Variants in SNX9 observed in about 807,000 individuals in gnomAD.
SNX9 encodes the protein sorting nexin 9.
Under a neutral mutation model 89.4 loss-of-function variants are expected in SNX9, and 44 were observed. That is an observed-to-expected ratio of 0.49 (90% CI 0.39 to 0.63). SNX9 has a LOEUF of 0.63. SNX9 is among the 30% of genes least tolerant of loss of function. The pLI, the probability that SNX9 is intolerant of heterozygous loss-of-function variation, is 0.00. For synonymous variants in SNX9, 236 were observed against 247.8 expected (o/e 0.95, Z 0.45); for missense variants, 578 against 736.1 (o/e 0.79, Z 2.49).
At chr6:157,865,326 C>G (rs1204415261) in intron 1 of SNX9, among the ~76,000 whole-genome samples, 1 of 136,682 alleles carries the variant, frequency 7.3e-6, no homozygotes, top group East Asian at 2.0e-4. Flanking sequence ...GCAACAAGAG[C>G]GAAACAGTCT....
At position 157,906,149 on chromosome 6, in the gene SNX9, T is replaced by G; in HGVS notation, c.642T>G (p.Pro214=). ...TTAGATTTCCTGGATTTGCGAAACC[T>G]GGCACGGAACAGTATTTGTTGGCCA... The part of the protein sequence containing the change: ...PLNKFPGFAK[P]GTEQYLLAKQ... Residue 214 remains proline, a synonymous_variant, in exon 7 of 18, where the codon CCT becomes CCG. Coordinates refer to ENST00000392185, the MANE Select transcript of SNX9 (RefSeq NM_016224.5). 2 of 1,610,096 alleles carry G rather than the reference T, an allele frequency of 1.2e-6. No homozygotes were observed. The highest frequency in any genetic ancestry group is 1.7e-6 in the Non-Finnish European group (2 of 1,178,918).
Position 157,826,761 on chromosome 6 carries a change from A to G in SNX9, c.12+3315A>G, listed in dbSNP as rs977345357. 2.8e-4 allele frequency among the ~76,000 whole-genome samples: 33 copies of G among 117,530 alleles called. 4 individuals are homozygous for G. The highest frequency in any genetic ancestry group is 1.3e-3 in the African/African-American group (30 of 22,576). The allele number at this position is 117,530 out of a possible 152,430, so 77.1% of individuals were successfully genotyped here. The stretch of plus-strand genomic sequence containing the variant: ...CCTATTTATATTATAGGTTTTATAT[A>G]TATATGATATATAAATATATTATAT... On this transcript the variant is annotated intron_variant, in intron 1 of 17. Coordinates refer to ENST00000392185, the MANE Select transcript of SNX9 (RefSeq NM_016224.5).
At chr6:157,864,036 C>T (rs1465958106) in intron 1 of SNX9, among the ~76,000 whole-genome samples, 1 of 152,066 alleles carries the variant, frequency 6.6e-6, no homozygotes, top group South Asian at 2.1e-4. Flanking sequence ...CTGTTTTGTG[C>T]TTACAACAGG....
chr6:157,916,021 GT>G (rs1179648436), intron 9 of SNX9, among the ~76,000 whole-genome samples: 2 of 150,288 alleles, frequency 1.3e-5, no homozygotes, highest in East Asian at 2.0e-4. Context: ...GGATTCTTTG[GT>G]TTTTTTGTCT....
At chr6:157,916,012 G>A (rs1169633132) in intron 9 of SNX9, among the ~76,000 whole-genome samples, 1 of 150,984 alleles carries the variant, frequency 6.6e-6, no homozygotes, top group Non-Finnish European at 1.5e-5. Context: ...TGTGGGTATG[G>A]ATTCTTTGGT....
intron 4 of SNX9, among the ~76,000 whole-genome samples, chr6:157,882,634 T>C (rs1301078444): frequency 6.6e-6 from 1 of 152,222 alleles, no homozygotes; most frequent in Non-Finnish European, 1.5e-5. Flanking sequence ...TTGGAAGAAG[T>C]AGATTCCAAC....
chr6:157,870,421 C>G (rs185445361), intron 2 of SNX9, among the ~76,000 whole-genome samples: 1 of 150,876 alleles, frequency 6.6e-6, no homozygotes, highest in Non-Finnish European at 1.5e-5. Context: ...CTCTCACACA[C>G]GCACACTCAC....
chr6:157,863,424 A>G (rs1422934455), intron 1 of SNX9, among the ~76,000 whole-genome samples: 1 of 152,236 alleles, frequency 6.6e-6, no homozygotes, highest in Non-Finnish European at 1.5e-5. Context: ...GATACGTGAG[A>G]TTGATGTCTA....
chr6:157,915,640 A>AAAAAAAAAAAAAAAATAT (rs1472422303), intron 9 of SNX9, among the ~76,000 whole-genome samples: 1 of 95,172 alleles, frequency 1.1e-5, no homozygotes, highest in East Asian at 2.3e-4. Context: ...AAAAAAAAAA[A>AAAAAAAAAAAAAAAATAT]ATATATATAT....
At chr6:157,848,208 A>G (rs1293265162) in intron 1 of SNX9, among the ~76,000 whole-genome samples, 1 of 152,214 alleles carries the variant, frequency 6.6e-6, no homozygotes, top group Non-Finnish European at 1.5e-5. Flanking sequence ...TCATGGTACT[A>G]ACTGCCTATT....
At chr6:157,921,470 T>TATGA (rs1783579349) in intron 9 of SNX9, 61 bp from the exon 10 acceptor site, 1 of 1,562,188 alleles carries the variant, frequency 6.4e-7, no homozygotes, top group Non-Finnish European at 8.7e-7. Flanking sequence ...TCAGTTACAG[T>TATGA]ATGGTAACAG....
At chr6:157,903,463 A>C (rs933015139) in intron 6 of SNX9, among the ~76,000 whole-genome samples, 7 of 152,234 alleles carry the variant, frequency 4.6e-5, no homozygotes, top group African/African-American at 1.4e-4. Flanking sequence ...AATAAAGTGA[A>C]TAATTCTCTG....
intron 4 of SNX9, among the ~76,000 whole-genome samples, chr6:157,886,765 T>C (rs1419165901): frequency 6.6e-6 from 1 of 152,242 alleles, no homozygotes; most frequent in African/African-American, 2.4e-5. Context: ...AGTTATTTTA[T>C]AGCTACTACA....
chr6:157,866,239 C>T (rs1782258466), intron 1 of SNX9, among the ~76,000 whole-genome samples: 1 of 152,134 alleles, frequency 6.6e-6, no homozygotes, highest in Non-Finnish European at 1.5e-5. Context: ...AGCAGTCCCT[C>T]CTTACTCCAG....
intron 2 of SNX9, among the ~76,000 whole-genome samples, chr6:157,870,971 AGT>A (rs1242614291): frequency 2.6e-5 from 4 of 152,230 alleles, no homozygotes; most frequent in Admixed American, 6.5e-5. Context: ...GGAAGGAGAG[AGT>A]GAGAACTGTG....
intron 4 of SNX9, among the ~76,000 whole-genome samples, chr6:157,882,582 T>C (rs1782649518): frequency 6.6e-6 from 1 of 152,230 alleles, no homozygotes; most frequent in African/African-American, 2.4e-5. Context: ...AGAACATTCA[T>C]GATTCATGGA....
intron 1 of SNX9, among the ~76,000 whole-genome samples, chr6:157,829,866 T>C (rs947180140): frequency 1.3e-5 from 2 of 152,208 alleles, no homozygotes; most frequent in Non-Finnish European, 2.9e-5. Flanking sequence ...TTTACTGATA[T>C]ATTTGGATTT....
At chr6:157,850,111 G>A (rs1781880577) in intron 1 of SNX9, among the ~76,000 whole-genome samples, 2 of 152,196 alleles carry the variant, frequency 1.3e-5, no homozygotes, top group Admixed American at 1.3e-4. Flanking sequence ...GTGGAGGGGC[G>A]AGGGGAGGAG....
chr6:157,937,127 G>T (rs958856266), intron 14 of SNX9, among the ~76,000 whole-genome samples: 2 of 152,182 alleles, frequency 1.3e-5, no homozygotes, highest in African/African-American at 4.8e-5. Context: ...TCATTTGTTT[G>T]TGTGTAAACA....
Sources: gnomAD v4.1 joint callset for allele counts (sites outside exome capture counted in the v4.1 genomes callset) on GRCh38, gnomAD v4.1.1 for gene constraint, MANE v1.5 for transcripts, NCBI Gene and HGNC (gene_info 2026-07-23, HGNC 2026-07-21) for gene names.